FHL1: variants seen among roughly 807,000 people sequenced by gnomAD.
FHL1 encodes four and a half LIM domains 1.
A neutral mutation model predicts 20.3 loss-of-function variants in FHL1; 1 was observed. The ratio of observed to expected loss-of-function variants is 0.05; its 90% CI spans 0.02 to 0.23. FHL1 has a LOEUF of 0.23. Among genes scored for constraint, FHL1 ranks in the 10% least tolerant of loss-of-function variants. FHL1 has a pLI of 1.00. For missense variants in FHL1, 177 were observed against 234.0 expected (o/e 0.76, Z 1.59); for synonymous variants, 82 against 88.9 (o/e 0.92, Z 0.44).
intron 2 of FHL1, among the ~76,000 whole-genome samples, chrX:136,188,365 C>G (rs766220726): frequency 9.0e-6 from 1 of 111,714 alleles, no homozygotes; most frequent in Non-Finnish European, 1.9e-5. Context: ...TGCCCTTTCT[C>G]TCCTCACAGC....
intron 2 of FHL1, among the ~76,000 whole-genome samples, chrX:136,172,507 C>G (rs1450772604): frequency 8.9e-6 from 1 of 111,922 alleles, no homozygotes; most frequent in African/African-American, 3.2e-5. Flanking sequence ...CCCATCTCTA[C>G]TCTATTCTTT....
chrX:136,197,044 C>A, upstream of FHL1: 1 of 1,144,943 alleles, frequency 8.7e-7, no homozygotes, highest in Non-Finnish European at 1.2e-6. Context: ...ACAAATGAGC[C>A]ACAGCCTTAT....
upstream of FHL1, among the ~76,000 whole-genome samples, chrX:136,196,538 T>G (rs1261133398): frequency 4.5e-5 from 5 of 111,488 alleles, no homozygotes; most frequent in African/African-American, 1.3e-4. Context: ...TACAGTAATC[T>G]GCTGATCTCT....
At chrX:136,162,122 C>CACAAA (rs1556632407) in intron 1 of FHL1, among the ~76,000 whole-genome samples, 2 of 48,944 alleles carry the variant, frequency 4.1e-5, no homozygotes, top group African/African-American at 1.7e-4. Flanking sequence ...GACCCTGTCT[C>CACAAA]AAAAAAAAAA....
At chrX:136,151,668 G>A (rs2072268793) in intron 1 of FHL1, among the ~76,000 whole-genome samples, 1 of 111,883 alleles carries the variant, frequency 8.9e-6, no homozygotes, top group Non-Finnish European at 1.9e-5. Context: ...AGCTGAGATT[G>A]CACCACTGCA....
In FHL1 at chrX:136,210,300, CAT is replaced by C. The variant is rs1418868559; in HGVS notation, c.*277_*278del. ...TAGATTGACTCTTCTGCATGTTTCT[CAT>C]AGAGCAGAAAAGTGCTAATCATTTA... On this transcript the variant is annotated 3_prime_UTR_variant, in exon 6 of 6. Transcript: ENST00000370683. 1 of 450,808 alleles carries C rather than the reference CAT, an allele frequency of 2.2e-6. No homozygotes were observed. The highest frequency in any genetic ancestry group is 2.4e-5 in the African/African-American group (1 of 42,337). The allele number at this position is 450,808 out of a possible 1,213,427, so 37.2% of individuals were successfully genotyped here. A position where few individuals can be genotyped will look rare whatever the true frequency, so the allele number is the denominator to read the frequency against.
At chrX:136,196,822 C>T, upstream of FHL1, 1 of 1,167,222 alleles carries the variant, frequency 8.6e-7, no homozygotes, top group East Asian at 3.2e-5. Context: ...TATGTGGCCT[C>T]TCTGGCTCTG....
chrX:136,175,654 A>G (rs2072983490), intron 2 of FHL1, among the ~76,000 whole-genome samples: 1 of 112,488 alleles, frequency 8.9e-6, no homozygotes, highest in South Asian at 3.6e-4. Context: ...AATTTCATGA[A>G]TCTGTTAATT....
At chrX:136,183,396 C>G (rs2073212938) in intron 2 of FHL1, among the ~76,000 whole-genome samples, 1 of 111,541 alleles carries the variant, frequency 9.0e-6, no homozygotes, top group South Asian at 3.7e-4. Context: ...TTCTCTACCA[C>G]TGACTTGCTC....
Position 136,210,077 on chromosome X carries a change from G to C in FHL1, c.*52G>C, listed in dbSNP as rs751855746. On this transcript the variant is annotated 3_prime_UTR_variant, in exon 6 of 6. Coordinates refer to ENST00000370683, the MANE Select transcript of FHL1 (RefSeq NM_001159699.2). ...ATGGCATTTGAATCTCGTTCTTTGT[G>C]TCCTTACTTTCTGCCCTATACCATC... 8.3e-7 allele frequency: 1 copy of C among 1,202,612 alleles called. No homozygotes were observed. The highest frequency in any genetic ancestry group is 3.0e-5 in the East Asian group (1 of 33,718).
At chrX:136,179,922 C>T (rs1396593148) in intron 2 of FHL1, among the ~76,000 whole-genome samples, 1 of 111,782 alleles carries the variant, frequency 8.9e-6, no homozygotes, top group Non-Finnish European at 1.9e-5. Flanking sequence ...ACTATATTTG[C>T]TTTATCAAAT....
At chrX:136,157,836 A>G (rs1432724804) in intron 1 of FHL1, among the ~76,000 whole-genome samples, 1 of 111,890 alleles carries the variant, frequency 8.9e-6, no homozygotes, top group Non-Finnish European at 1.9e-5. Context: ...TCTGCAAGTA[A>G]GCTACTTAGT....
intron 1 of FHL1, among the ~76,000 whole-genome samples, chrX:136,163,412 T>C (rs892797652): frequency 5.4e-5 from 6 of 112,081 alleles, no homozygotes; most frequent in Admixed American, 2.8e-4. Context: ...TTTTTGGCAA[T>C]GGGAGTGATA....
At chrX:136,168,435 CAAAG>C (rs2072771892), upstream of FHL1, 1 of 111,363 alleles carries the variant, frequency 9.0e-6, no homozygotes, top group Non-Finnish European at 1.9e-5. Flanking sequence ...TTTTACCGGA[CAAAG>C]AAAACCTAAC....
chrX:136,199,577 G>A lies in FHL1; in HGVS notation c.22+2443G>A, dbSNP rs180972899. On this transcript the variant is annotated intron_variant, in intron 1 of 5. Coordinates refer to ENST00000370683, the MANE Select transcript of FHL1 (RefSeq NM_001159699.2). ...CTATTACACAAGTGTCCTATTCATTGGCTAAGGCTTTGCTCCATCTGTTGA... is the reference window on the plus strand; with the variant it reads ...CTATTACACAAGTGTCCTATTCATTAGCTAAGGCTTTGCTCCATCTGTTGA... Among the ~76,000 whole-genome samples, 15 of 112,237 alleles carry A rather than the reference G, an allele frequency of 1.3e-4. No homozygotes were observed. In the East Asian group the frequency reaches 1.7e-3, roughly 12 times the overall value.
At chrX:136,179,691 C>T (rs1485329529) in intron 2 of FHL1, among the ~76,000 whole-genome samples, 1 of 111,730 alleles carries the variant, frequency 9.0e-6, no homozygotes, top group Admixed American at 9.5e-5. Flanking sequence ...ATAGCATTAC[C>T]GTGGTATTAC....
intron 1 of FHL1, among the ~76,000 whole-genome samples, chrX:136,162,821 C>T (rs1429164294): frequency 8.9e-6 from 1 of 111,907 alleles, no homozygotes; most frequent in Non-Finnish European, 1.9e-5. Flanking sequence ...GGGGGTGGGG[C>T]GCTGACTTTG....
chrX:136,208,645 G>T lies in FHL1; in HGVS notation c.736+4G>T, dbSNP rs374630727. 1 of 1,206,445 alleles carries T rather than the reference G, an allele frequency of 8.3e-7. No homozygotes were observed. Among genetic ancestry groups the T allele is most frequent in the Non-Finnish European group, 1.1e-6 (1 of 891,315 alleles). On this transcript the variant is annotated splice_donor_region_variant and intron_variant, in intron 5 of 5. Transcript: ENST00000370683. ...GGATGCAAGAACCCCATCACTGGTA[G>T]GCTAAAGAGTCCTTGCTAAGTCTGC...
chrX:136,166,596 T>C (rs1423344183), upstream of FHL1, among the ~76,000 whole-genome samples: 6 of 111,951 alleles, frequency 5.4e-5, no homozygotes, highest in Admixed American at 5.7e-4. Context: ...ATTCCGGTTC[T>C]TGAAAAAGAC....
Sources: allele counts gnomAD v4.1 joint callset (sites outside exome capture counted in the v4.1 genomes callset), GRCh38; gene constraint gnomAD v4.1.1; transcripts MANE v1.5; gene names NCBI Gene and HGNC (gene_info 2026-07-23, HGNC 2026-07-21).